PIR: variants seen among roughly 807,000 people sequenced by gnomAD.
The protein encoded by PIR is pirin, also known as pirin (iron-binding nuclear protein).
Under a neutral mutation model 24.2 loss-of-function variants are expected in PIR, and 22 were observed. The ratio of observed to expected loss-of-function variants is 0.91; its 90% CI spans 0.65 to 1.30. The LOEUF (loss-of-function observed/expected upper bound fraction) is 1.30. Among genes scored for constraint, PIR ranks in the 50% most tolerant of loss-of-function variants. The probability of loss-of-function intolerance (pLI) is 0.00; values close to 1 mark genes in which losing one functional copy is unlikely to be tolerated. For synonymous variants in PIR, 80 were observed against 79.6 expected (o/e 1.00, Z -0.03); for missense variants, 220 against 220.3 (o/e 1.00, Z 0.01).
At chrX:15,419,042 A>G (rs1925021383) in intron 6 of PIR, among the ~76,000 whole-genome samples, 1 of 111,213 alleles carries the variant, frequency 9.0e-6, no homozygotes, top group Non-Finnish European at 1.9e-5. Context: ...TTCACGAAAT[A>G]TTTGATACAA....
At chrX:15,390,092 A>T (rs1351089169) in intron 9 of PIR, 93 bp downstream of exon 9, 1 of 422,355 alleles carries the variant, frequency 2.4e-6, no homozygotes, top group African/African-American at 2.6e-5. Context: ...GGACAAAAAA[A>T]ACCAGCTATT....
At chrX:15,470,304 A>G (rs1921818700) in intron 3 of PIR, among the ~76,000 whole-genome samples, 1 of 111,717 alleles carries the variant, frequency 9.0e-6, no homozygotes, top group Non-Finnish European at 1.9e-5. Flanking sequence ...ATATATCAGT[A>G]GTTAATACTG....
At chrX:15,487,627 T>C (rs150202948) in intron 2 of PIR, among the ~76,000 whole-genome samples, 2,649 of 112,181 alleles carry the variant, frequency 0.024, 76 homozygotes, top group African/African-American at 0.081. Context: ...GGAGTGGGCA[T>C]AGAAGCAAGT....
intron 5 of PIR, among the ~76,000 whole-genome samples, chrX:15,446,898 G>A (rs1448136865): frequency 2.7e-5 from 3 of 111,576 alleles, no homozygotes; most frequent in African/African-American, 6.5e-5. Flanking sequence ...AACAGCCCCC[G>A]GATCTGCAAT....
chrX:15,483,081 C>G (rs1922594432), intron 2 of PIR, among the ~76,000 whole-genome samples: 1 of 107,357 alleles, frequency 9.3e-6, no homozygotes, highest in Admixed American at 1.0e-4. Context: ...AAGTATGAAA[C>G]TTTCTCATTC....
At chrX:15,467,367 G>T (rs1000023253) in intron 3 of PIR, among the ~76,000 whole-genome samples, 6 of 112,509 alleles carry the variant, frequency 5.3e-5, no homozygotes, top group Non-Finnish European at 1.1e-4. Flanking sequence ...GTATGTGCTG[G>T]GAGCACAGGG....
At chrX:15,488,860 C>G (rs781587588) in intron 2 of PIR, among the ~76,000 whole-genome samples, 2 of 111,322 alleles carry the variant, frequency 1.8e-5, no homozygotes, top group East Asian at 5.6e-4. Context: ...TAAACTTGGA[C>G]TGCTAAAAAG....
chrX:15,455,300 AT>A (rs1921037443), intron 5 of PIR, among the ~76,000 whole-genome samples: 1 of 112,912 alleles, frequency 8.9e-6, no homozygotes, highest in Non-Finnish European at 1.9e-5. Context: ...ATAAATCCAA[AT>A]AATATAAAGT....
chrX:15,440,714 G>A (rs1301980557), intron 5 of PIR, among the ~76,000 whole-genome samples: 1 of 111,182 alleles, frequency 9.0e-6, no homozygotes, highest in Non-Finnish European at 1.9e-5. Flanking sequence ...CTGCATATTG[G>A]TGAGAGGAAC....
intron 5 of PIR, among the ~76,000 whole-genome samples, chrX:15,434,098 G>A (rs776318384): frequency 1.8e-3 from 160 of 88,016 alleles, no homozygotes; most frequent in Middle Eastern, 9.0e-3. Context: ...AGGAGGAGGA[G>A]GGAGGAGAAA....
intron 6 of PIR, among the ~76,000 whole-genome samples, chrX:15,414,104 A>G (rs1483890182): frequency 1.8e-5 from 2 of 112,477 alleles, no homozygotes; most frequent in African/African-American, 6.5e-5. Context: ...AATGAAGCCT[A>G]GCCCGCTGGA....
chrX:15,392,525 T>A (rs1197060012), intron 8 of PIR, among the ~76,000 whole-genome samples: 4 of 111,847 alleles, frequency 3.6e-5, no homozygotes, highest in African/African-American at 1.3e-4. Flanking sequence ...TAATAATTAA[T>A]TCCTTAATCT....
chrX:15,396,742 T>G (rs1924150772), intron 8 of PIR, among the ~76,000 whole-genome samples: 2 of 102,660 alleles, frequency 1.9e-5, no homozygotes, highest in Admixed American at 2.1e-4. Flanking sequence ...AAGTGGGGAT[T>G]CTTTTTTTTT....
At chrX:15,398,669 G>GGGGT (rs1555952786) in intron 7 of PIR, among the ~76,000 whole-genome samples, 12 of 76,112 alleles carry the variant, frequency 1.6e-4, no homozygotes, top group South Asian at 7.8e-4. Context: ...GAGGAGGGAG[G>GGGGT]GTGTGTGTGT....
intron 8 of PIR, among the ~76,000 whole-genome samples, chrX:15,391,838 A>T (rs979693397): frequency 9.0e-6 from 1 of 111,675 alleles, no homozygotes; most frequent in Non-Finnish European, 1.9e-5. Flanking sequence ...ATCCCTAGAC[A>T]CTAAGCTGCA....
intron 5 of PIR, among the ~76,000 whole-genome samples, chrX:15,447,905 G>A (rs1602275199): frequency 8.9e-6 from 1 of 111,779 alleles, no homozygotes; most frequent in South Asian, 3.8e-4. Flanking sequence ...TATGCTCTTA[G>A]TCTAAATTTC....
At chrX:15,439,426 C>T (rs1471282525) in intron 5 of PIR, among the ~76,000 whole-genome samples, 2 of 112,132 alleles carry the variant, frequency 1.8e-5, no homozygotes, top group Non-Finnish European at 3.8e-5. Context: ...TTTTATTTTA[C>T]TTTTTAAATG....
chrX:15,441,799 T>G (rs1239685754), intron 5 of PIR, among the ~76,000 whole-genome samples: 3 of 111,642 alleles, frequency 2.7e-5, no homozygotes, highest in Non-Finnish European at 5.6e-5. Context: ...GAGGTAAGCC[T>G]GCCTCTGAAG....
At chrX:15,452,475 C>G (rs775935613) in intron 5 of PIR, among the ~76,000 whole-genome samples, 1 of 111,705 alleles carries the variant, frequency 9.0e-6, no homozygotes, top group Non-Finnish European at 1.9e-5. Context: ...TACAGCTACC[C>G]TTGGTAGTAT....
Sources: allele counts gnomAD v4.1 joint callset (sites outside exome capture counted in the v4.1 genomes callset), GRCh38; gene constraint gnomAD v4.1.1; transcripts MANE v1.5; gene names NCBI Gene and HGNC (gene_info 2026-07-23, HGNC 2026-07-21).